Variants in RFX3 observed in about 807,000 individuals in gnomAD.
RFX3 encodes transcription factor RFX3.
A neutral mutation model predicts 98.6 loss-of-function variants in RFX3; 14 were observed. The observed-to-expected ratio is 0.14, with a 90% CI of 0.09 to 0.22. The LOEUF (loss-of-function observed/expected upper bound fraction) is 0.22. RFX3 is among the 10% of genes least tolerant of loss of function. The probability of loss-of-function intolerance (pLI) is 1.00; values close to 1 mark genes in which losing one functional copy is unlikely to be tolerated. For missense variants in RFX3, 639 were observed against 926.9 expected (o/e 0.69, Z 4.03); for synonymous variants, 383 against 328.4 (o/e 1.17, Z -1.80).
chr9:3,278,900 T>C (rs952278550), intron 7 of RFX3, among the ~76,000 whole-genome samples: 3 of 151,830 alleles, frequency 2.0e-5, no homozygotes, highest in African/African-American at 4.8e-5. Flanking sequence ...GACTCCTCAT[T>C]ACAAAAAAAT....
At chr9:3,313,608 G>A (rs1830223354) in intron 4 of RFX3, among the ~76,000 whole-genome samples, 1 of 152,120 alleles carries the variant, frequency 6.6e-6, no homozygotes, top group Non-Finnish European at 1.5e-5. Context: ...CCATCACAAA[G>A]AAGCTAAAAA....
At position 3,218,587 on chromosome 9, in the gene RFX3, A is replaced by G. The variant is rs1242195513; in HGVS notation, c.*6455T>C. ...GACATGATATACTAAAAGATTTAGC[A>G]TTTCTCACAAAAATCACATCAGGAA... On this transcript the variant is annotated 3_prime_UTR_variant, in exon 17 of 17. Coordinates refer to ENST00000617270, the MANE Select transcript of RFX3 (RefSeq NM_001282116.2). The G allele has an allele frequency of 6.6e-6, 1 of 152,188 alleles. No homozygotes were observed. The highest frequency in any genetic ancestry group is 1.5e-5 in the Non-Finnish European group (1 of 68,022). The allele number at this position is 152,188 out of a possible 1,614,324, so 9.4% of individuals were successfully genotyped here.
Position 3,314,590 on chromosome 9 carries a change from G to A in RFX3, c.475-12970C>T, listed in dbSNP as rs186401554. Among the ~76,000 whole-genome samples the A allele has an allele frequency of 7.7e-4, 117 of 152,196 alleles. 1 individual carries two copies. In the South Asian group the frequency reaches 0.015, roughly 19 times the overall value. On this transcript the variant is annotated intron_variant, in intron 4 of 16. Coordinates refer to ENST00000617270, the MANE Select transcript of RFX3 (RefSeq NM_001282116.2). The stretch of plus-strand genomic sequence containing the variant: ...GACACAGACTGGCAAATTGGATAAA[G>A]ACTCAAGACCCATCAGCGTGCTGTA...
At chr9:3,525,180 C>T (rs1294743564) in intron 1 of RFX3, among the ~76,000 whole-genome samples, 11 of 152,132 alleles carry the variant, frequency 7.2e-5, no homozygotes, top group African/African-American at 2.2e-4. Context: ...AAAAGTTCAC[C>T]AACGTATGAG....
chr9:3,449,101 A>G (rs2132825094), intron 1 of RFX3, among the ~76,000 whole-genome samples: 1 of 152,166 alleles, frequency 6.6e-6, no homozygotes, highest in East Asian at 1.9e-4. Flanking sequence ...CATTTTTTCC[A>G]TCTGTCAAAT....
intron 1 of RFX3, among the ~76,000 whole-genome samples, chr9:3,484,162 C>T (rs1850051763): frequency 6.6e-6 from 1 of 152,116 alleles, no homozygotes; most frequent in Admixed American, 6.5e-5. Context: ...AATTAGTTTG[C>T]TATAAATATA....
intron 1 of RFX3, among the ~76,000 whole-genome samples, chr9:3,496,786 C>A (rs1323814365): frequency 6.6e-6 from 1 of 151,886 alleles, no homozygotes; most frequent in Non-Finnish European, 1.5e-5. Flanking sequence ...CCACATTTTT[C>A]CCTAACAATT....
chr9:3,327,236 C>A (rs913454505), intron 4 of RFX3, among the ~76,000 whole-genome samples: 53 of 151,936 alleles, frequency 3.5e-4, no homozygotes, highest in East Asian at 3.9e-4. Context: ...TGAAAACAAT[C>A]AAAAATCTAT....
chr9:3,504,222 A>C (rs1338721394), intron 1 of RFX3, among the ~76,000 whole-genome samples: 1 of 133,646 alleles, frequency 7.5e-6, no homozygotes, highest in Non-Finnish European at 1.5e-5. Flanking sequence ...TATATACTAT[A>C]TTATATACTA....
intron 6 of RFX3, 121 bp from the exon 7 acceptor site, chr9:3,288,371 A>G: frequency 1.4e-6 from 1 of 732,260 alleles, no homozygotes; most frequent in Non-Finnish European, 2.3e-6. Flanking sequence ...TTAATGTTAC[A>G]TATTTATGAT....
chr9:3,296,224 A>C (rs1437398967), intron 5 of RFX3, among the ~76,000 whole-genome samples: 1 of 151,524 alleles, frequency 6.6e-6, no homozygotes, highest in Non-Finnish European at 1.5e-5. Flanking sequence ...TTACATTTTT[A>C]TATATATATA....
At chr9:3,469,450 T>C (rs1189338723) in intron 1 of RFX3, among the ~76,000 whole-genome samples, 1 of 152,136 alleles carries the variant, frequency 6.6e-6, no homozygotes, top group Non-Finnish European at 1.5e-5. Flanking sequence ...AAGTCAAAGA[T>C]AAAGTCAATA....
chr9:3,252,489 GA>G (rs1317755531), intron 14 of RFX3, among the ~76,000 whole-genome samples: 1 of 152,164 alleles, frequency 6.6e-6, no homozygotes, highest in Non-Finnish European at 1.5e-5. Context: ...AAACTGGATT[GA>G]AGTGAGGAAA....
chr9:3,253,420 C>T (rs1010014720), intron 14 of RFX3, among the ~76,000 whole-genome samples: 42 of 152,254 alleles, frequency 2.8e-4, no homozygotes, highest in Non-Finnish European at 1.2e-4. Flanking sequence ...ATACATTCCA[C>T]TCTTTAAAAA....
intron 13 of RFX3, among the ~76,000 whole-genome samples, chr9:3,262,718 C>T (rs939233973): frequency 2.0e-5 from 3 of 152,156 alleles, no homozygotes; most frequent in East Asian, 1.9e-4. Flanking sequence ...TGATATATTA[C>T]GTTGTCTTTT....
At chr9:3,517,289 AAT>A (rs1274090029) in intron 1 of RFX3, among the ~76,000 whole-genome samples, 1 of 152,140 alleles carries the variant, frequency 6.6e-6, no homozygotes, top group African/African-American at 2.4e-5. Flanking sequence ...TACAGTTAGA[AAT>A]AGAGTGAGAA....
At chr9:3,512,440 T>C (rs1027517005) in intron 1 of RFX3, among the ~76,000 whole-genome samples, 4 of 151,994 alleles carry the variant, frequency 2.6e-5, no homozygotes, top group African/African-American at 9.7e-5. Context: ...TTTTACTATA[T>C]ACTGACTTTA....
chr9:3,344,136 T>A (rs1047155117), intron 3 of RFX3, among the ~76,000 whole-genome samples: 1 of 152,162 alleles, frequency 6.6e-6, no homozygotes, highest in Non-Finnish European at 1.5e-5. Flanking sequence ...GAATTTAGAA[T>A]CATTAAGTAG....
At chr9:3,509,394 C>G (rs1447648431) in intron 1 of RFX3, among the ~76,000 whole-genome samples, 6 of 151,768 alleles carry the variant, frequency 4.0e-5, no homozygotes, top group Admixed American at 6.6e-5. Context: ...GCACCTTTAC[C>G]CTCATCAAAA....
Sources: allele counts gnomAD v4.1 joint callset (sites outside exome capture counted in the v4.1 genomes callset), GRCh38; gene constraint gnomAD v4.1.1; transcripts MANE v1.5; gene names NCBI Gene and HGNC (gene_info 2026-07-23, HGNC 2026-07-21).